Variants in PLD5 observed in about 807,000 individuals in gnomAD.
PLD5 encodes inactive phospholipase D5.
PLD5 carries 36 observed loss-of-function variants against 61.1 expected under a neutral mutation model. The ratio of observed to expected loss-of-function variants is 0.59; its 90% CI spans 0.45 to 0.78. The LOEUF (loss-of-function observed/expected upper bound fraction) is 0.78. Ranked by LOEUF, PLD5 falls within the 30% of genes least tolerant of loss-of-function variation. The pLI is 0.00. For missense variants in PLD5, 515 were observed against 644.4 expected (o/e 0.80, Z 2.17); for synonymous variants, 243 against 242.8 (o/e 1.00, Z -0.01).
chr1:242,297,891 G>A lies in PLD5; in HGVS notation c.327-9361C>T, dbSNP rs182893429. On this transcript the variant is annotated intron_variant, in intron 2 of 9. Coordinates refer to ENST00000536534, the MANE Select transcript of PLD5 (RefSeq NM_001372062.1). ...CCTGACCTCATGATCCACCCGCCTC[G>A]GCCTCCCAAAGTGCTGGGATTACAG... Among the ~76,000 whole-genome samples the A allele has an allele frequency of 2.6e-5, 4 of 151,164 alleles. No homozygotes were observed. In the East Asian group the frequency reaches 5.8e-4, roughly 22 times the overall value.
chr1:242,148,205 G>A (rs187281231), intron 5 of PLD5, among the ~76,000 whole-genome samples: 174 of 150,492 alleles, frequency 1.2e-3, no homozygotes, highest in Non-Finnish European at 1.5e-4. Context: ...CATAAAGTAT[G>A]AATCTAGATC....
At chr1:242,494,668 A>C (rs1668304461) in intron 1 of PLD5, among the ~76,000 whole-genome samples, 1 of 152,154 alleles carries the variant, frequency 6.6e-6, no homozygotes, top group Non-Finnish European at 1.5e-5. Context: ...CAAAATGACC[A>C]CAAACTGTCC....
chr1:242,525,360 C>T (rs531653269), upstream of PLD5, among the ~76,000 whole-genome samples: 2 of 152,330 alleles, frequency 1.3e-5, no homozygotes, highest in South Asian at 4.1e-4. Flanking sequence ...CAGGGCTCCT[C>T]TGCAACGCTC....
rs1173548118 is a variant in PLD5 at position 242,083,798 on chromosome 1, A to G, written c.*6056T>C. 8 of 152,272 alleles carry G rather than the reference A, an allele frequency of 5.3e-5. No individual in the cohort carries two copies. In the East Asian group the frequency reaches 1.4e-3, roughly 26 times the overall value. 9.4% of individuals were successfully genotyped at this position (152,272 alleles called of 1,614,324 possible). A position where few individuals can be genotyped will look rare whatever the true frequency, so the allele number is the denominator to read the frequency against. On this transcript the variant is annotated 3_prime_UTR_variant, in exon 10 of 10. Transcript: ENST00000536534. ...CTTTAAAGATCTTCATCCTCTATTTATATTGGAAAGTAACATATAATTTCA... is the reference window on the plus strand; with the variant it reads ...CTTTAAAGATCTTCATCCTCTATTTGTATTGGAAAGTAACATATAATTTCA...
intron 1 of PLD5, among the ~76,000 whole-genome samples, chr1:242,356,159 GA>G (rs138116718): frequency 0.2 from 8,787 of 44,570 alleles, 317 homozygotes; most frequent in Non-Finnish European, 0.42. Context: ...ATCCAATATT[GA>G]AAGTGATTAT....
At chr1:242,324,307 A>T (rs997726620) in intron 2 of PLD5, among the ~76,000 whole-genome samples, 2 of 152,398 alleles carry the variant, frequency 1.3e-5, no homozygotes, top group East Asian at 3.9e-4. Context: ...GAACAAAGGC[A>T]GTACAGAATT....
intron 5 of PLD5, among the ~76,000 whole-genome samples, chr1:242,195,787 T>C (rs575759062): frequency 3.9e-5 from 6 of 152,316 alleles, no homozygotes; most frequent in African/African-American, 1.4e-4. Flanking sequence ...TCTGAGATCA[T>C]GAATGTGAAA....
intron 1 of PLD5, among the ~76,000 whole-genome samples, chr1:242,510,230 C>CA (rs1043248169): frequency 1.3e-5 from 2 of 150,748 alleles, no homozygotes; most frequent in African/African-American, 2.5e-5. Flanking sequence ...CACACACACA[C>CA]AAAAAAAGGT....
At chr1:242,154,489 T>C (rs1469085155) in intron 5 of PLD5, among the ~76,000 whole-genome samples, 2 of 152,204 alleles carry the variant, frequency 1.3e-5, no homozygotes, top group East Asian at 3.8e-4. Flanking sequence ...TTGTCATAAA[T>C]AGCTCTTATT....
rs565336229 is a variant in PLD5, at chr1:242,172,966, T to C, written c.735+47022A>G. Reference sequence around the variant, plus strand: ...TACCAGAGGTACAAAGAGGAGCTGGTACCATTCCTTCTGAAATTATTCCAA... The same window carrying C: ...TACCAGAGGTACAAAGAGGAGCTGGCACCATTCCTTCTGAAATTATTCCAA... On this transcript the variant is annotated intron_variant, in intron 5 of 9. Coordinates refer to ENST00000536534, the MANE Select transcript of PLD5 (RefSeq NM_001372062.1). 3.3e-5 allele frequency among the ~76,000 whole-genome samples: 5 copies of C among 152,166 alleles called. No individual in the cohort carries two copies. The South Asian group carries it at 1.0e-3, about 32-fold the overall frequency.
Position 242,381,898 on chromosome 1 carries a change from C to T in PLD5, c.190-33656G>A, listed in dbSNP as rs143898756. Among the ~76,000 whole-genome samples, 866 of 152,090 alleles carry T rather than the reference C, an allele frequency of 5.7e-3. 7 individuals are homozygous for T. The highest frequency in any genetic ancestry group is 0.02 in the African/African-American group (820 of 41,494). On this transcript the variant is annotated intron_variant, in intron 1 of 9. Coordinates refer to ENST00000536534, the MANE Select transcript of PLD5 (RefSeq NM_001372062.1). Reference sequence around the variant, plus strand: ...TGGCAGAGAATAGACTTGAGAAGGACGAGAGTAGAATCCAGAAGAACAGCT... The same window carrying T: ...TGGCAGAGAATAGACTTGAGAAGGATGAGAGTAGAATCCAGAAGAACAGCT...
chr1:242,261,937 C>T (rs1163518238), intron 4 of PLD5, among the ~76,000 whole-genome samples: 1 of 152,172 alleles, frequency 6.6e-6, no homozygotes, highest in African/African-American at 2.4e-5. Context: ...AAATCGAACA[C>T]ATATATAGCC....
Position 242,256,011 on chromosome 1 carries a change from G to A in PLD5, c.607+9326C>T, listed in dbSNP as rs2494911. 6.6e-6 allele frequency among the ~76,000 whole-genome samples: 1 copy of A among 152,236 alleles called. No individual in the cohort carries two copies. The highest frequency in any genetic ancestry group is 2.4e-5 in the African/African-American group (1 of 41,462). On this transcript the variant is annotated intron_variant, in intron 4 of 9. Coordinates refer to ENST00000536534, the MANE Select transcript of PLD5 (RefSeq NM_001372062.1). This position sits in a 1 kb window ranked among gnomAD's most constrained non-coding sequence, Gnocchi z 5.7. ...CAAATGACCTAAAGATGCCCAGCCA[G>A]GGCTTATTAGGTCCCTGTGGCTATT...
chr1:242,291,484 G>T (rs1473990380), intron 2 of PLD5, among the ~76,000 whole-genome samples: 1 of 152,086 alleles, frequency 6.6e-6, no homozygotes, highest in Non-Finnish European at 1.5e-5. Flanking sequence ...TAAAATCTCA[G>T]CTGGGAGGTG....
At chr1:242,155,134 G>A (rs2574677) in intron 5 of PLD5, among the ~76,000 whole-genome samples, 1,755 of 152,010 alleles carry the variant, frequency 0.012, 43 homozygotes, top group African/African-American at 0.04. Flanking sequence ...TATTATTTGC[G>A]TAGAGCTGTT....
At chr1:242,266,567 CCTT>C (rs1265008736) in intron 3 of PLD5, among the ~76,000 whole-genome samples, 1 of 152,156 alleles carries the variant, frequency 6.6e-6, no homozygotes, top group African/African-American at 2.4e-5. Flanking sequence ...CCGTCTGTCT[CCTT>C]ATCATAAAAG....
chr1:242,522,321 T>C (rs1396649863), intron 1 of PLD5, among the ~76,000 whole-genome samples: 1 of 152,212 alleles, frequency 6.6e-6, no homozygotes, highest in African/African-American at 2.4e-5. Flanking sequence ...CTTTCCCTGG[T>C]CTCCAATCCT....
intron 4 of PLD5, among the ~76,000 whole-genome samples, chr1:242,247,156 G>A (rs1159108870): frequency 6.6e-6 from 1 of 151,872 alleles, no homozygotes; most frequent in African/African-American, 2.4e-5. Context: ...GCTAATTTTT[G>A]TATTTTTAGT....
At chr1:242,432,689 T>G (rs1665784148) in intron 1 of PLD5, among the ~76,000 whole-genome samples, 1 of 152,176 alleles carries the variant, frequency 6.6e-6, no homozygotes, top group African/African-American at 2.4e-5. Context: ...TGTAGAGTGT[T>G]GGAGGTCACA....
Sources: gnomAD v4.1 joint callset for allele counts (sites outside exome capture counted in the v4.1 genomes callset) on GRCh38, gnomAD v4.1.1 for gene constraint, Gnocchi (gnomAD v3.1) non-coding constraint, MANE v1.5 for transcripts, NCBI Gene and HGNC (gene_info 2026-07-23, HGNC 2026-07-21) for gene names.